The following ZNF681 variants were observed in gnomAD, a reference collection of about 807,000 sequenced individuals.
ZNF681 encodes zinc finger protein 681, also known as hypothetical protein FLJ31526.
ZNF681 carries 37 observed loss-of-function variants against 56.0 expected under a neutral mutation model. The ratio of observed to expected loss-of-function variants is 0.66; its 90% CI spans 0.51 to 0.87. ZNF681 has a LOEUF of 0.87. Among genes scored for constraint, ZNF681 ranks in the 40% least tolerant of loss-of-function variants. ZNF681 has a pLI of 0.00. For missense variants in ZNF681, 741 were observed against 744.9 expected, an observed-to-expected ratio of 0.99 and a Z score of 0.06; for synonymous variants, 225 against 248.6, an observed-to-expected ratio of 0.91 and a Z score of 0.89.
Position 23,745,223 on chromosome 19 carries a change from C to T in ZNF681, c.327G>A (p.Glu109=), listed in dbSNP as rs778412984. The T allele has an allele frequency of 3.2e-5, 52 of 1,611,826 alleles. No individual in the cohort carries two copies. In the East Asian group the frequency reaches 1.1e-3, roughly 35 times the overall value. ...CCACACTTTTACTTAACTGTAAATT[C>T]TCATGTTCACATTTTCCATATCTTC... The part of the protein sequence containing the change: ...TPRRYGKCEH[E]NLQLSKSVDE... The change falls in exon 4 of 4, where the codon GAG becomes GAA. Residue 109 remains glutamate (E), a synonymous_variant. Coordinates refer to ENST00000402377, the MANE Select transcript of ZNF681 (RefSeq NM_138286.3).
chr19:23,758,637 G>A, intron 1 of ZNF681, 110 bp downstream of exon 1: 2 of 1,553,282 alleles, frequency 1.3e-6, no homozygotes, highest in South Asian at 1.1e-5. Flanking sequence ...GACTGAGGCC[G>A]CCTGGGCGAG....
At chr19:23,746,301 G>C (rs1968943521) in intron 3 of ZNF681, among the ~76,000 whole-genome samples, 1 of 134,324 alleles carries the variant, frequency 7.4e-6, no homozygotes, top group Admixed American at 8.3e-5. Context: ...GTGACAGAGT[G>C]AGACTATGTC....
In ZNF681 at chr19:23,745,075, C is replaced by T; in HGVS notation, c.475G>A (p.Gly159Arg). 5 of 1,598,710 alleles carry T rather than the reference C, an allele frequency of 3.1e-6. No homozygotes were observed. In the Admixed American group the frequency reaches 6.9e-5, roughly 22 times the overall value. ...KIFHKFSNLN[G>R]HKVRHTRKKP... ...TTTCTGGTGTGTCTTACCTTATGTC[C>T]ATTTAAATTTGAAAATTTATGAAAG... Residue 159 changes from glycine (G) to arginine (R), a missense_variant, in exon 4 of 4, where the codon GGA becomes AGA. Gly to Arg is a moderately radical substitution (Grantham distance 125). Coordinates refer to ENST00000402377, the MANE Select transcript of ZNF681 (RefSeq NM_138286.3).
At chr19:23,746,323 A>C (rs1423074958) in intron 3 of ZNF681, among the ~76,000 whole-genome samples, 2 of 148,956 alleles carry the variant, frequency 1.3e-5, no homozygotes, top group Non-Finnish European at 3.0e-5. Flanking sequence ...CAAAAACAAA[A>C]AAAAAAAAAG....
At chr19:23,755,604 C>CAT (rs1555714022) in intron 1 of ZNF681, 53 bp from the exon 2 acceptor site, 4 of 859,676 alleles carry the variant, frequency 4.7e-6, no homozygotes, top group Admixed American at 3.3e-5. Context: ...CACACATACA[C>CAT]ATTTAGAAAG....
Position 23,745,179 on chromosome 19 carries a change from T to G in ZNF681, c.371A>C (p.Lys124Thr), listed in dbSNP as rs1968927555. The G allele has an allele frequency of 6.2e-7, 1 of 1,613,364 alleles. No individual in the cohort carries two copies. Among genetic ancestry groups the G allele is most frequent in the African/African-American group, 1.3e-5 (1 of 74,884 alleles). ...SKSVDECKVQ[K>T]GGYNGLNQCL... ...TTGGTTAAGTCCATTATAACCTCCT[T>G]TTTGCACTTTGCACTCATCCACACT... Residue 124 changes from lysine (K) to threonine (T), a missense_variant, in exon 4 of 4, where the codon AAA becomes ACA. By Grantham distance (78) the Lys-to-Thr change is moderately conservative (BLOSUM62 -1). Coordinates refer to ENST00000402377, the MANE Select transcript of ZNF681 (RefSeq NM_138286.3).
At position 23,755,503 on chromosome 19, in the gene ZNF681, A is replaced by G; in HGVS notation, c.52T>C (p.Trp18Arg). 1 of 1,609,722 alleles carries G rather than the reference A, an allele frequency of 6.2e-7. No individual in the cohort carries two copies. Among genetic ancestry groups the G allele is most frequent in the Non-Finnish European group, 8.5e-7 (1 of 1,178,046 alleles). Residue 18 changes from tryptophan to arginine, a missense_variant, in exon 2 of 4, where the codon TGG (tryptophan) becomes CGG (arginine). By Grantham distance (101) the Trp-to-Arg change is moderately radical. Coordinates refer to ENST00000402377, the MANE Select transcript of ZNF681 (RefSeq NM_138286.3). ...TGCTGTATAGTGTCCAGGCATTGCC[A>G]CTCCTCCAGAGAGAATTCTATGGCC... ...DVAIEFSLEE[W>R]QCLDTIQQNL...
intron 3 of ZNF681, among the ~76,000 whole-genome samples, chr19:23,750,291 A>AC (rs1969007049): frequency 1.3e-5 from 1 of 76,382 alleles, no homozygotes; most frequent in Admixed American, 1.7e-4. Context: ...CTCAAAAAAA[A>AC]AAAAAAAAAA....
In ZNF681 at chr19:23,743,911, A is replaced by G. The variant is rs758360565; in HGVS notation, c.1639T>C (p.Ser547Pro). The change falls in exon 4 of 4, where the codon TCA (serine) becomes CCA (proline). Residue 547 changes from serine to proline, a missense_variant. By Grantham distance (74) the Ser-to-Pro change is moderately conservative. Coordinates refer to ENST00000402377, the MANE Select transcript of ZNF681 (RefSeq NM_138286.3). ...ATTACCTTATGTGTAGCAAGATGTG[A>G]GGAATGGTTAAAGGCTTTGCCACAT... ...EECGKAFNHS[S>P]HLATHKVIHT... is the part of the protein sequence containing the mutation. 6.9e-6 allele frequency: 11 copies of G among 1,603,314 alleles called. No individual in the cohort carries two copies. The East Asian group carries it at 2.5e-4, about 36-fold the overall frequency.
Position 23,742,216 on chromosome 19 carries a change from G to C in ZNF681, c.*1396C>G, listed in dbSNP as rs886623924. On this transcript the variant is annotated 3_prime_UTR_variant, in exon 4 of 4. Coordinates refer to ENST00000402377, the MANE Select transcript of ZNF681 (RefSeq NM_138286.3). ...ATTACATAAAAGTACAATTGGCCAGGCATGGTGACTCGCGCCTGTAATCCC... is the reference window on the plus strand; with the variant it reads ...ATTACATAAAAGTACAATTGGCCAGCCATGGTGACTCGCGCCTGTAATCCC... 6.6e-6 allele frequency: 1 copy of C among 152,086 alleles called. No individual in the cohort carries two copies. The highest frequency in any genetic ancestry group is 2.4e-5 in the African/African-American group (1 of 41,410). 9.4% of individuals were successfully genotyped at this position (152,086 alleles called of 1,614,324 possible).
At chr19:23,756,083 T>C (rs575502904) in intron 1 of ZNF681, among the ~76,000 whole-genome samples, 1 of 152,212 alleles carries the variant, frequency 6.6e-6, no homozygotes, top group Admixed American at 6.5e-5. Flanking sequence ...CCCAGCACTT[T>C]GGGAGGCTGA....
At chr19:23,755,678 T>A in intron 1 of ZNF681, 127 bp from the exon 2 acceptor site, 1 of 1,133,670 alleles carries the variant, frequency 8.8e-7, no homozygotes, top group Non-Finnish European at 1.2e-6. Flanking sequence ...GAACTGGTTC[T>A]GACTTACAGA....
Position 23,744,202 on chromosome 19 carries a change from A to G in ZNF681, c.1348T>C (p.Tyr450His). ...HKNIHTEEKP[Y>H]KCEECGKAFN... Reference sequence around the variant, plus strand: ...GCTTTCCCACATTCTTCACATTTGTATGGTTTCTCTTCAGTATGAATATTC... The same window carrying G: ...GCTTTCCCACATTCTTCACATTTGTGTGGTTTCTCTTCAGTATGAATATTC... Residue 450 changes from tyrosine to histidine, a missense_variant, in exon 4 of 4, where the codon TAC becomes CAC. Transcript: ENST00000402377. The G allele has an allele frequency of 3.7e-6, 6 of 1,613,556 alleles. No homozygotes were observed. Among genetic ancestry groups the G allele is most frequent in the Non-Finnish European group, 5.1e-6 (6 of 1,179,834 alleles).
Position 23,740,137 on chromosome 19 carries a change from A to G in ZNF681, c.*3475T>C, listed in dbSNP as rs1968859967. On this transcript the variant is annotated 3_prime_UTR_variant, in exon 4 of 4. Coordinates refer to ENST00000402377, the MANE Select transcript of ZNF681 (RefSeq NM_138286.3). ...CAACGCTAAATGATTTAATCCTTTC[A>G]TCTGTGGACACTGTATGCTTTTTGT... 1 of 152,196 alleles carries G rather than the reference A, an allele frequency of 6.6e-6. No homozygotes were observed. Among genetic ancestry groups the G allele is most frequent in the African/African-American group, 2.4e-5 (1 of 41,458 alleles). 9.4% of individuals were successfully genotyped at this position (152,196 alleles called of 1,614,324 possible).
chr19:23,748,055 GA>G (rs1335481307), intron 3 of ZNF681, among the ~76,000 whole-genome samples: 3 of 151,470 alleles, frequency 2.0e-5, no homozygotes, highest in East Asian at 1.9e-4. Flanking sequence ...AAATCTCTTA[GA>G]AAAAAAGAGA....
rs759600831 is a variant in ZNF681 at position 23,744,303 on chromosome 19, T to C, written c.1247A>G (p.His416Arg). The change falls in exon 4 of 4, where the codon CAT becomes CGT. Residue 416 changes from histidine to arginine, a missense_variant. By Grantham distance (29) the His-to-Arg change is conservative (BLOSUM62 0). Transcript: ENST00000402377. Reference sequence around the variant, plus strand: ...ACACTGGTAGGGTTTTTCTCCAGTATGAATGCTCTTATGTCTAGTAAGGTG... The same window carrying C: ...ACACTGGTAGGGTTTTTCTCCAGTACGAATGCTCTTATGTCTAGTAAGGTG... ...SSHLTRHKSI[H>R]TGEKPYQCEK... 15 of 1,613,788 alleles carry C rather than the reference T, an allele frequency of 9.3e-6. No homozygotes were observed. In the East Asian group the frequency reaches 3.3e-4, roughly 36 times the overall value.
At chr19:23,752,975 A>ATG (rs1969054998) in intron 3 of ZNF681, among the ~76,000 whole-genome samples, 1 of 152,232 alleles carries the variant, frequency 6.6e-6, no homozygotes, top group Non-Finnish European at 1.5e-5. Flanking sequence ...ATGATAGTAT[A>ATG]TGTGTATATA....
At chr19:23,754,800 T>C (rs1969088618) in intron 3 of ZNF681, 23 bp downstream of exon 3, 1 of 1,579,378 alleles carries the variant, frequency 6.3e-7, no homozygotes, top group Non-Finnish European at 8.7e-7. Context: ...TTATCTGTTG[T>C]ATTCACTTTC....
Position 23,742,970 on chromosome 19 carries a change from C to T in ZNF681, c.*642G>A, listed in dbSNP as rs544384131. The T allele has an allele frequency of 6.6e-6, 1 of 152,184 alleles. No homozygotes were observed. The highest frequency in any genetic ancestry group is 6.5e-5 in the Admixed American group (1 of 15,272). The allele number at this position is 152,184 out of a possible 1,614,324, so 9.4% of individuals were successfully genotyped here. A position where few individuals can be genotyped will look rare whatever the true frequency, so the allele number is the denominator to read the frequency against. The stretch of plus-strand genomic sequence containing the variant: ...CTCAGCAATCTGATTTAGTGTAATG[C>T]CTGAAGTGTCAGTGCCTTAACTATT... On this transcript the variant is annotated 3_prime_UTR_variant, in exon 4 of 4. Transcript: ENST00000402377.
Sources: gnomAD v4.1 joint callset for allele counts (sites outside exome capture counted in the v4.1 genomes callset) on GRCh38, gnomAD v4.1.1 for gene constraint, MANE v1.5 for transcripts, NCBI Gene and HGNC (gene_info 2026-07-23, HGNC 2026-07-21) for gene names.